Variants in KATNAL1 observed in about 807,000 individuals in gnomAD.
KATNAL1 encodes the protein katanin p60 ATPase-containing subunit A-like 1.
In KATNAL1, 32 loss-of-function variants were observed where a neutral mutation model predicts 55.2. That is an observed-to-expected ratio of 0.58 (90% CI 0.44 to 0.78). KATNAL1 has a LOEUF of 0.78. Ranked by LOEUF, KATNAL1 falls within the 30% of genes least tolerant of loss-of-function variation. KATNAL1 has a pLI of 0.00. For missense variants in KATNAL1, 466 were observed against 600.9 expected, an observed-to-expected ratio of 0.78 and a Z score of 2.35; for synonymous variants, 193 against 193.6, an observed-to-expected ratio of 1.00 and a Z score of 0.02.
intron 8 of KATNAL1, among the ~76,000 whole-genome samples, chr13:30,229,447 C>T (rs2137392481): frequency 6.6e-6 from 1 of 152,338 alleles, no homozygotes; most frequent in Admixed American, 6.5e-5. Flanking sequence ...AGGCTGGGTG[C>T]AGTGGCTCAT....
intron 9 of KATNAL1, among the ~76,000 whole-genome samples, chr13:30,220,278 T>G (rs1874711562): frequency 6.6e-6 from 1 of 152,106 alleles, no homozygotes; most frequent in Admixed American, 6.5e-5. Context: ...CTGGCCAACA[T>G]GGTGAAACCC....
At chr13:30,293,220 T>TA (rs1882254439) in intron 1 of KATNAL1, among the ~76,000 whole-genome samples, 1 of 152,226 alleles carries the variant, frequency 6.6e-6, no homozygotes, top group Admixed American at 6.5e-5. Flanking sequence ...TTTTCCCTCC[T>TA]TTTTTCCACC....
At chr13:30,227,586 C>A in intron 8 of KATNAL1, 40 bp from the exon 9 acceptor site, 1 of 1,579,354 alleles carries the variant, frequency 6.3e-7, no homozygotes, top group South Asian at 1.2e-5. Flanking sequence ...GTTTTTCTTA[C>A]AACTCTTTAT....
chr13:30,271,878 GAAAAAAAAAAAAA>G (rs71299873), intron 3 of KATNAL1, among the ~76,000 whole-genome samples: 2 of 76,782 alleles, frequency 2.6e-5, no homozygotes, highest in African/African-American at 1.0e-4. Context: ...AAGAAAAGAG[GAAAAAAAAAAAAA>G]AAAAAAAAAC....
intron 9 of KATNAL1, among the ~76,000 whole-genome samples, chr13:30,214,891 A>G (rs1593830767): frequency 6.6e-6 from 1 of 151,800 alleles, no homozygotes; most frequent in East Asian, 1.9e-4. Flanking sequence ...AAACACCAAA[A>G]GCAATGGCAA....
At chr13:30,212,772 G>A (rs1873811586) in intron 9 of KATNAL1, among the ~76,000 whole-genome samples, 1 of 152,146 alleles carries the variant, frequency 6.6e-6, no homozygotes, top group Non-Finnish European at 1.5e-5. Context: ...ACAATATGAT[G>A]GATACATTTT....
chr13:30,283,874 C>T, intron 1 of KATNAL1, 83 bp from the exon 2 acceptor site: 2 of 932,610 alleles, frequency 2.1e-6, no homozygotes, highest in Non-Finnish European at 3.1e-6. Context: ...ATGTTTAAAA[C>T]TACTTTTTTT....
intron 6 of KATNAL1, among the ~76,000 whole-genome samples, chr13:30,239,460 C>T (rs1428275892): frequency 2.0e-5 from 3 of 151,990 alleles, no homozygotes; most frequent in Non-Finnish European, 4.4e-5. Context: ...ATAATCTATT[C>T]TCACAAATCC....
chr13:30,213,897 C>A (rs1041654451), intron 9 of KATNAL1, among the ~76,000 whole-genome samples: 27 of 152,172 alleles, frequency 1.8e-4, no homozygotes, highest in African/African-American at 5.1e-4. Context: ...CACTCCTATT[C>A]AACATAGTGT....
At chr13:30,232,629 G>C (rs1057505500) in intron 6 of KATNAL1, among the ~76,000 whole-genome samples, 2 of 152,132 alleles carry the variant, frequency 1.3e-5, no homozygotes, top group African/African-American at 4.8e-5. Context: ...CTCTGAGAGG[G>C]CCATCCTGTA....
chr13:30,216,705 GA>G (rs1032114112), intron 9 of KATNAL1, among the ~76,000 whole-genome samples: 1 of 152,214 alleles, frequency 6.6e-6, no homozygotes, highest in Non-Finnish European at 1.5e-5. Context: ...AGAAAGGGGT[GA>G]GGGGAGGAAG....
Position 30,230,608 on chromosome 13 carries a change from T to C in KATNAL1, c.886-14A>G. 1 of 1,565,752 alleles carries C rather than the reference T, an allele frequency of 6.4e-7. No homozygotes were observed. Among genetic ancestry groups the C allele is most frequent in the East Asian group, 2.3e-5 (1 of 44,402 alleles). ...ATAAAATCTAGCCTTTATGAAAATA[T>C]TTTAAAGAAATCATTCAATAATCTC... On this transcript the variant is annotated splice_polypyrimidine_tract_variant and intron_variant, in intron 7 of 10. Coordinates refer to ENST00000380615, the MANE Select transcript of KATNAL1 (RefSeq NM_032116.5).
intron 3 of KATNAL1, among the ~76,000 whole-genome samples, chr13:30,279,558 C>T (rs1208859089): frequency 6.6e-6 from 1 of 152,150 alleles, no homozygotes; most frequent in East Asian, 1.9e-4. Flanking sequence ...GATGCACAGG[C>T]TGGGTATTAG....
rs574634692 is a variant in KATNAL1 at position 30,269,647 on chromosome 13, C to T, written c.323+10416G>A. On this transcript the variant is annotated intron_variant, in intron 3 of 10. Coordinates refer to ENST00000380615, the MANE Select transcript of KATNAL1 (RefSeq NM_032116.5). ...TGAGGAGCGCCTCTGCCTGGCCGCCCATCGTCTGGGATGTGAGGAGCGCCT... is the reference window on the plus strand; with the variant it reads ...TGAGGAGCGCCTCTGCCTGGCCGCCTATCGTCTGGGATGTGAGGAGCGCCT... 1.5e-4 allele frequency among the ~76,000 whole-genome samples: 23 copies of T among 150,328 alleles called. No homozygotes were observed. The South Asian group carries it at 4.8e-3, about 32-fold the overall frequency.
intron 6 of KATNAL1, among the ~76,000 whole-genome samples, chr13:30,233,225 A>C (rs975543388): frequency 3.9e-5 from 6 of 152,192 alleles, no homozygotes; most frequent in African/African-American, 7.2e-5. Context: ...GGGATTAGTA[A>C]CCAGAACACA....
chr13:30,280,009 C>T, intron 3 of KATNAL1, 54 bp downstream of exon 3: 14 of 1,470,634 alleles, frequency 9.5e-6, no homozygotes, highest in Non-Finnish European at 9.2e-7. Context: ...ACATGCTTCA[C>T]TGTGAACATC....
At chr13:30,270,008 C>G (rs1177112676) in intron 3 of KATNAL1, among the ~76,000 whole-genome samples, 1 of 146,880 alleles carries the variant, frequency 6.8e-6, no homozygotes, top group Non-Finnish European at 1.5e-5. Context: ...CCAGCCGCCC[C>G]GTCCGGGAGG....
At chr13:30,246,533 T>C (rs1028394091) in intron 4 of KATNAL1, among the ~76,000 whole-genome samples, 4 of 152,136 alleles carry the variant, frequency 2.6e-5, no homozygotes, top group African/African-American at 9.7e-5. Flanking sequence ...AAAGCCGAAA[T>C]TGACAAATGG....
chr13:30,226,435 T>C (rs1247627462), intron 9 of KATNAL1, among the ~76,000 whole-genome samples: 1 of 152,236 alleles, frequency 6.6e-6, no homozygotes, highest in African/African-American at 2.4e-5. Flanking sequence ...AAGCTGCTGA[T>C]ACATGTGATC....
Sources: allele counts gnomAD v4.1 joint callset (sites outside exome capture counted in the v4.1 genomes callset), GRCh38; gene constraint gnomAD v4.1.1; transcripts MANE v1.5; gene names NCBI Gene and HGNC (gene_info 2026-07-23, HGNC 2026-07-21).